Variants in P4HA3 observed in about 807,000 individuals in gnomAD.
The protein encoded by P4HA3 is prolyl 4-hydroxylase subunit alpha 3, also known as prolyl 4-hydroxylase subunit alpha-3.
Under a neutral mutation model 66.7 loss-of-function variants are expected in P4HA3, and 60 were observed. The observed-to-expected ratio is 0.90, with a 90% CI of 0.73 to 1.12. P4HA3 has a LOEUF of 1.12. P4HA3 is among the 50% of genes most tolerant of loss of function. The pLI is 0.00. For synonymous variants in P4HA3, 263 were observed against 274.6 expected (o/e 0.96, Z 0.42); for missense variants, 683 against 685.8 (o/e 1.00, Z 0.05).
chr11:74,259,441 G>A (rs1179962624), intron 15 of P4HA3, among the ~76,000 whole-genome samples: 1 of 152,114 alleles, frequency 6.6e-6, no homozygotes, highest in East Asian at 1.9e-4. Context: ...TAAAAAAATA[G>A]TAAACTCTAC....
intron 1 of P4HA3, among the ~76,000 whole-genome samples, chr11:74,307,430 T>C (rs1861610806): frequency 6.6e-6 from 1 of 152,220 alleles, no homozygotes; most frequent in African/African-American, 2.4e-5. Flanking sequence ...TTAGCACCCC[T>C]CTTTGCATTT....
chr11:74,278,170 A>G (rs1860466297), intron 8 of P4HA3, among the ~76,000 whole-genome samples: 1 of 151,898 alleles, frequency 6.6e-6, no homozygotes, highest in African/African-American at 2.4e-5. Flanking sequence ...CAGGTAAGAT[A>G]GTGACATTTA....
chr11:74,305,656 T>C (rs1391143356), intron 1 of P4HA3, among the ~76,000 whole-genome samples: 1 of 152,200 alleles, frequency 6.6e-6, no homozygotes, highest in African/African-American at 2.4e-5. Flanking sequence ...CTACACGAGT[T>C]ATTTGCTAGA....
At chr11:74,255,817 G>A (rs1476822246) in intron 15 of P4HA3, 3 of 398,216 alleles carry the variant, frequency 7.5e-6, no homozygotes, top group African/African-American at 6.2e-5. Flanking sequence ...ATCAATGTCT[G>A]AAAATTTCTT....
At position 74,302,386 on chromosome 11, in the gene P4HA3, A is replaced by G. The variant is rs1022665610; in HGVS notation, c.550T>C (p.Cys184Arg). 1 of 1,612,748 alleles carries G rather than the reference A, an allele frequency of 6.2e-7. No individual in the cohort carries two copies. The highest frequency in any genetic ancestry group is 8.5e-7 in the Non-Finnish European group (1 of 1,179,700). The change falls in exon 3 of 13, where the codon TGC (cysteine) becomes CGC (arginine). Residue 184 changes from cysteine to arginine, a missense_variant. Physicochemically the swap from Cys to Arg is radical, Grantham distance 180. Transcript: ENST00000331597. ...ATTGTTACCTTGCCAACTTGGAAGC[A>G]GTCATCCCCTGTGAGAGAAAAGAGC... is the stretch of plus-strand genomic sequence containing the variant. ...KRLFSLTGDD[C>R]FQVGKVAYDM...
At chr11:74,280,506 C>G (rs147195176) in intron 7 of P4HA3, among the ~76,000 whole-genome samples, 1 of 152,048 alleles carries the variant, frequency 6.6e-6, no homozygotes, top group Non-Finnish European at 1.5e-5. Context: ...AATCCAGGGA[C>G]AGAAAGAGAA....
chr11:74,277,220 T>C (rs1334024915), intron 8 of P4HA3, 76 bp from the exon 9 acceptor site: 2 of 1,489,370 alleles, frequency 1.3e-6, no homozygotes, highest in Middle Eastern at 1.8e-4. Context: ...AATGAATGAA[T>C]AAACAAATGA....
chr11:74,251,616 T>A, intron 15 of P4HA3: 1 of 1,608,644 alleles, frequency 6.2e-7, no homozygotes, highest in Non-Finnish European at 8.5e-7. Context: ...CACTAACCTT[T>A]ATATGGCCTG....
intron 5 of P4HA3, 45 bp from the exon 6 acceptor site, chr11:74,286,436 T>C (rs1860805204): frequency 6.8e-7 from 1 of 1,478,910 alleles, no homozygotes; most frequent in Non-Finnish European, 9.0e-7. Context: ...GATTAACAAA[T>C]ACTGGCCCCA....
At chr11:74,282,371 A>T (rs928443747) in intron 7 of P4HA3, among the ~76,000 whole-genome samples, 1 of 152,248 alleles carries the variant, frequency 6.6e-6, no homozygotes, top group Non-Finnish European at 1.5e-5. Flanking sequence ...AGGCAAGTAT[A>T]GAATGCCATG....
rs1281289252 is a variant in P4HA3, at chr11:74,311,443, C to A, written c.169G>T (p.Gly57Trp). The change falls in exon 1 of 13, where the codon GGG (glycine) becomes TGG (tryptophan). Residue 57 changes from glycine (G) to tryptophan (W), a missense_variant. Gly to Trp is a radical substitution (Grantham distance 184). Coordinates refer to ENST00000331597, the MANE Select transcript of P4HA3 (RefSeq NM_182904.5). The stretch of plus-strand genomic sequence containing the variant: ...AGGTCCCGCAGCCGCGCCTCCTCCC[C>A]GCGCAGGTACCGCCTCAGCAGCCCC... ...LLGLLRRYLR[G>W]EEARLRDLTR... 1 of 1,538,888 alleles carries A rather than the reference C, an allele frequency of 6.5e-7. No homozygotes were observed. The highest frequency in any genetic ancestry group is 8.7e-7 in the Non-Finnish European group (1 of 1,149,894).
intron 4 of P4HA3, among the ~76,000 whole-genome samples, chr11:74,293,919 T>C (rs1392623924): frequency 6.6e-6 from 1 of 152,212 alleles, no homozygotes; most frequent in Non-Finnish European, 1.5e-5. Flanking sequence ...CTGACAATTA[T>C]GTGTCTTGGA....
chr11:74,302,626 C>A, intron 2 of P4HA3, 34 bp from the exon 3 acceptor site: 1 of 1,576,172 alleles, frequency 6.3e-7, no homozygotes, highest in East Asian at 2.2e-5. Flanking sequence ...ACCCAGCATT[C>A]AAGAAACAGG....
In P4HA3 at chr11:74,279,377, G is replaced by A. The variant is rs778107794; in HGVS notation, c.1175+11C>T. ...GGGCAGCAGGTATGACCAAGGAAGGGCCCTTCTTACCTTTTGCTGATGCGG... is the reference window on the plus strand; with the variant it reads ...GGGCAGCAGGTATGACCAAGGAAGGACCCTTCTTACCTTTTGCTGATGCGG... On this transcript the variant is annotated intron_variant, in intron 8 of 12. Transcript: ENST00000331597. The A allele has an allele frequency of 1.2e-6, 2 of 1,613,204 alleles. No homozygotes were observed. Among genetic ancestry groups the A allele is most frequent in the Non-Finnish European group, 1.7e-6 (2 of 1,179,264 alleles).
In P4HA3 at chr11:74,281,719, T is replaced by A. The variant is rs568816681; in HGVS notation, c.1111-2267A>T. 2.0e-5 allele frequency among the ~76,000 whole-genome samples: 3 copies of A among 152,010 alleles called. No individual in the cohort carries two copies. In the South Asian group the frequency reaches 6.2e-4, roughly 32 times the overall value. ...AAGGGGAACATCATACTCTGGGGAC[T>A]GTTGTGGGGTGGAGGGAGGTGGGAG... On this transcript the variant is annotated intron_variant, in intron 7 of 12. Coordinates refer to ENST00000331597, the MANE Select transcript of P4HA3 (RefSeq NM_182904.5).
intron 15 of P4HA3, chr11:74,255,923 A>G (rs1337348528): frequency 1.9e-6 from 1 of 516,876 alleles, no homozygotes; most frequent in Non-Finnish European, 3.9e-6. Flanking sequence ...TCACCGGAAC[A>G]CTTTGCGGGT....
intron 5 of P4HA3, chr11:74,287,420 T>A: frequency 1.0e-6 from 1 of 985,594 alleles, no homozygotes; most frequent in Non-Finnish European, 1.4e-6. Flanking sequence ...GAAATAAAAC[T>A]GGGAATCTCA....
At chr11:74,305,110 A>C (rs1304553701) in intron 1 of P4HA3, among the ~76,000 whole-genome samples, 1 of 152,022 alleles carries the variant, frequency 6.6e-6, no homozygotes, top group Non-Finnish European at 1.5e-5. Context: ...CCCGCCTCCT[A>C]ACAGGCCATG....
At chr11:74,310,328 G>C (rs998284539) in intron 1 of P4HA3, among the ~76,000 whole-genome samples, 1 of 152,216 alleles carries the variant, frequency 6.6e-6, no homozygotes, top group African/African-American at 2.4e-5. Flanking sequence ...TTATGCCACA[G>C]TGTGTAGCAC....
Sources: gnomAD v4.1 joint callset for allele counts (sites outside exome capture counted in the v4.1 genomes callset) on GRCh38, gnomAD v4.1.1 for gene constraint, MANE v1.5 for transcripts, NCBI Gene and HGNC (gene_info 2026-07-23, HGNC 2026-07-21) for gene names.